Variants in ELMO1 observed in about 807,000 individuals in gnomAD.
The protein encoded by ELMO1 is engulfment and cell motility protein 1.
Under a neutral mutation model 98.9 loss-of-function variants are expected in ELMO1, and 26 were observed. That is an observed-to-expected ratio of 0.26 (90% confidence interval 0.19 to 0.36). ELMO1 has a LOEUF of 0.36. Among genes scored for constraint, ELMO1 ranks in the 10% least tolerant of loss-of-function variants. The probability of loss-of-function intolerance (pLI) is 1.00; values close to 1 mark genes in which losing one functional copy is unlikely to be tolerated. For synonymous variants in ELMO1, 346 were observed against 346.0 expected (o/e 1.00, Z 0.00); for missense variants, 627 against 935.2 (o/e 0.67, Z 4.30).
At chr7:36,878,894 A>G (rs1269735817) in intron 18 of ELMO1, among the ~76,000 whole-genome samples, 2 of 152,196 alleles carry the variant, frequency 1.3e-5, no homozygotes, top group Admixed American at 1.3e-4. Flanking sequence ...AGCACTTTTT[A>G]TAGGTTAGGG....
chr7:37,446,760 C>A (rs1805635807), intron 1 of ELMO1, among the ~76,000 whole-genome samples: 1 of 152,128 alleles, frequency 6.6e-6, no homozygotes, highest in Non-Finnish European at 1.5e-5. Context: ...CAGTTCAGTA[C>A]CCTCCTGACA....
chr7:37,006,222 C>A (rs1453472196), intron 16 of ELMO1, among the ~76,000 whole-genome samples: 4 of 152,208 alleles, frequency 2.6e-5, no homozygotes, highest in Non-Finnish European at 5.9e-5. Context: ...GATATTTGAA[C>A]AAACTATCTG....
chr7:36,997,908 G>T lies in ELMO1; in HGVS notation c.1437+15391C>A, dbSNP rs887658455. On this transcript the variant is annotated intron_variant, in intron 16 of 21. Coordinates refer to ENST00000310758, the MANE Select transcript of ELMO1 (RefSeq NM_014800.11). ...ACAAGAACAATCAGAAGATGACCTT[G>T]AGCTAAATGAAGCAATTGCAGCAGG... is the stretch of plus-strand genomic sequence containing the variant. 7 of 152,408 alleles carry T rather than the reference G, an allele frequency of 4.6e-5. No individual in the cohort carries two copies. The East Asian group carries it at 1.4e-3, about 29-fold the overall frequency. 9.4% of individuals were successfully genotyped at this position (152,408 alleles called of 1,614,324 possible).
rs901496681 is a variant in ELMO1 at position 37,285,355 on chromosome 7, G to A, written c.193-13473C>T. On this transcript the variant is annotated intron_variant, in intron 4 of 21. Coordinates refer to ENST00000310758, the MANE Select transcript of ELMO1 (RefSeq NM_014800.11). ...AATCATTTACATTGGAATATACCCTGTTTAAATAACAGTATGGTTTCTGTA... is the reference window on the plus strand; with the variant it reads ...AATCATTTACATTGGAATATACCCTATTTAAATAACAGTATGGTTTCTGTA... Among the ~76,000 whole-genome samples, 6 of 152,190 alleles carry A rather than the reference G, an allele frequency of 3.9e-5. No individual in the cohort carries two copies. The South Asian group carries it at 1.2e-3, about 31-fold the overall frequency.
At chr7:37,068,103 T>C (rs1254169760) in intron 15 of ELMO1, among the ~76,000 whole-genome samples, 1 of 152,202 alleles carries the variant, frequency 6.6e-6, no homozygotes, top group African/African-American at 2.4e-5. Context: ...CAAGTGGAAC[T>C]GACTGTGGGT....
At chr7:37,174,313 C>T (rs1256615767) in intron 13 of ELMO1, among the ~76,000 whole-genome samples, 1 of 152,212 alleles carries the variant, frequency 6.6e-6, no homozygotes, top group Non-Finnish European at 1.5e-5. Context: ...TTCACGGAGG[C>T]AAACCTACTT....
At chr7:37,246,791 A>ATAG (rs1562550743) in intron 6 of ELMO1, among the ~76,000 whole-genome samples, 3 of 145,736 alleles carry the variant, frequency 2.1e-5, no homozygotes, top group Admixed American at 2.0e-4. Context: ...TAGATAGATA[A>ATAG]ACAGACAGAT....
intron 4 of ELMO1, among the ~76,000 whole-genome samples, chr7:37,278,621 C>A (rs1484392988): frequency 6.6e-6 from 1 of 152,192 alleles, no homozygotes; most frequent in Non-Finnish European, 1.5e-5. Context: ...AGAGTTCCAG[C>A]CCACCCTGTG....
At chr7:37,336,865 T>C (rs929273878) in intron 2 of ELMO1, among the ~76,000 whole-genome samples, 1 of 152,022 alleles carries the variant, frequency 6.6e-6, no homozygotes, top group African/African-American at 2.4e-5. Flanking sequence ...AAAAACAGAA[T>C]AAAATACTAC....
At chr7:37,421,660 G>A (rs1804478586) in intron 1 of ELMO1, among the ~76,000 whole-genome samples, 1 of 152,134 alleles carries the variant, frequency 6.6e-6, no homozygotes, top group Admixed American at 6.5e-5. Flanking sequence ...GGTTCTTAGG[G>A]GCTGAATATG....
intron 15 of ELMO1, among the ~76,000 whole-genome samples, chr7:37,079,046 T>G (rs931863426): frequency 6.6e-5 from 10 of 152,180 alleles, no homozygotes; most frequent in Non-Finnish European, 2.9e-5. Flanking sequence ...ACTAAAAGTG[T>G]GCACTATCTA....
intron 17 of ELMO1, among the ~76,000 whole-genome samples, chr7:36,893,380 G>A (rs1393515870): frequency 1.3e-5 from 2 of 152,114 alleles, no homozygotes; most frequent in African/African-American, 4.8e-5. Context: ...GAGGACCAAT[G>A]CAAAACCCCA....
chr7:36,988,106 G>A (rs1584482516), intron 16 of ELMO1, among the ~76,000 whole-genome samples: 2 of 152,290 alleles, frequency 1.3e-5, no homozygotes, highest in Admixed American at 1.3e-4. Flanking sequence ...TATGAATCCT[G>A]GCTTTCCATT....
intron 1 of ELMO1, among the ~76,000 whole-genome samples, chr7:37,385,102 G>C (rs1802742822): frequency 6.6e-6 from 1 of 152,186 alleles, no homozygotes; most frequent in South Asian, 2.1e-4. Context: ...TCTCCTAGCT[G>C]CTCCCTGGAC....
chr7:37,226,619 C>A (rs1008857575), intron 8 of ELMO1, among the ~76,000 whole-genome samples: 2 of 152,088 alleles, frequency 1.3e-5, no homozygotes, highest in Admixed American at 6.5e-5. Context: ...AATTCATTGA[C>A]AATACTTCAG....
chr7:37,100,352 T>C (rs1013342800), intron 14 of ELMO1, among the ~76,000 whole-genome samples: 1 of 152,162 alleles, frequency 6.6e-6, no homozygotes, highest in Admixed American at 6.5e-5. Flanking sequence ...TTCCATAAAT[T>C]CCAGGCTCTC....
At chr7:37,311,962 T>C (rs1212659782) in intron 4 of ELMO1, among the ~76,000 whole-genome samples, 1 of 152,234 alleles carries the variant, frequency 6.6e-6, no homozygotes, top group Non-Finnish European at 1.5e-5. Context: ...CCATTCTCAA[T>C]AGTTTGAATG....
rs1000086366 is a variant in ELMO1 at position 37,126,625 on chromosome 7, C to T, written c.1191+6505G>A. Among the ~76,000 whole-genome samples the T allele has an allele frequency of 2.6e-5, 4 of 152,136 alleles. No individual in the cohort carries two copies. The East Asian group carries it at 7.7e-4, about 29-fold the overall frequency. The stretch of plus-strand genomic sequence containing the variant: ...TGATAGTTGTGCCCAGCATAAGTCA[C>T]ATCTAAAAATCCCAAAGGAAACAAG... On this transcript the variant is annotated intron_variant, in intron 14 of 21. Transcript: ENST00000310758.
intron 1 of ELMO1, among the ~76,000 whole-genome samples, chr7:37,422,954 C>T (rs754551196): frequency 1.3e-5 from 2 of 152,218 alleles, no homozygotes; most frequent in Non-Finnish European, 2.9e-5. Flanking sequence ...CTCTAGAGGT[C>T]TGTATTGTTA....
Sources: gnomAD v4.1 joint callset for allele counts (sites outside exome capture counted in the v4.1 genomes callset) on GRCh38, gnomAD v4.1.1 for gene constraint, MANE v1.5 for transcripts, NCBI Gene and HGNC (gene_info 2026-07-23, HGNC 2026-07-21) for gene names.